Variants in MT1B observed in about 807,000 individuals in gnomAD.
MT1B encodes the protein metallothionein 1B.
MT1B carries 4 observed loss-of-function variants against 7.9 expected under a neutral mutation model. That is an observed-to-expected ratio of 0.51 (90% CI 0.25 to 1.16). The LOEUF is 1.16. MT1B is among the 50% of genes most tolerant of loss of function. The pLI, the probability that MT1B is intolerant of heterozygous loss-of-function variation, is 0.15. For missense variants in MT1B, 76 were observed against 75.2 expected, an observed-to-expected ratio of 1.01 and a Z score of -0.04; for synonymous variants, 22 against 27.6, an observed-to-expected ratio of 0.80 and a Z score of 0.63.
At position 56,653,105 on chromosome 16, in the gene MT1B, C is replaced by A. The variant is rs942574073; in HGVS notation, c.*40C>A. ...TGCTCCCAGACATAAATAGAGCAAC[C>A]AGTACTAACCTGGATTTTTTTTTTT... On this transcript the variant is annotated 3_prime_UTR_variant, in exon 3 of 3. Coordinates refer to ENST00000334346, the MANE Select transcript of MT1B (RefSeq NM_005947.3). 19 of 1,595,296 alleles carry A rather than the reference C, an allele frequency of 1.2e-5. No individual in the cohort carries two copies. The highest frequency in any genetic ancestry group is 1.5e-5 in the Non-Finnish European group (18 of 1,169,942).
chr16:56,652,035 C>T lies in MT1B; in HGVS notation c.28+54C>T. On this transcript the variant is annotated intron_variant, in intron 1 of 2. Transcript: ENST00000334346. ...GATGCCCATTCCCGGCCACTGTACA[C>T]AGTGTCCCTGGGTTAGAGAAGGTTG... 1.0e-5 allele frequency: 16 copies of T among 1,606,298 alleles called. No homozygotes were observed. In the South Asian group the frequency reaches 1.8e-4, roughly 18 times the overall value.
chr16:56,652,301 A>G (rs1467709089), intron 1 of MT1B, among the ~76,000 whole-genome samples: 1 of 152,212 alleles, frequency 6.6e-6, no homozygotes, highest in Admixed American at 6.5e-5. Context: ...GCCTCTTCAG[A>G]GTTCAACACA....
intron 1 of MT1B, 24 bp downstream of exon 1, chr16:56,652,005 C>T: frequency 1.2e-6 from 2 of 1,614,096 alleles, no homozygotes; most frequent in South Asian, 2.2e-5. Flanking sequence ...GGCTCTGGGC[C>T]TTGAGATGCC....
chr16:56,652,826 C>A, intron 2 of MT1B, 148 bp from the exon 3 acceptor site: 1 of 1,163,404 alleles, frequency 8.6e-7, no homozygotes, highest in South Asian at 1.3e-5. Context: ...GGGACACAAA[C>A]CTCAAATGTA....
chr16:56,652,382 TA>T (rs1280429119), intron 1 of MT1B, among the ~76,000 whole-genome samples, 188 bp from the exon 2 acceptor site: 49 of 152,298 alleles, frequency 3.2e-4, no homozygotes, highest in African/African-American at 1.1e-3. Flanking sequence ...ATGGGGTATA[TA>T]AAGAAGGGTG....
intron 2 of MT1B, among the ~76,000 whole-genome samples, 158 bp downstream of exon 2, chr16:56,652,794 G>C (rs551631751): frequency 2.3e-4 from 35 of 152,302 alleles, no homozygotes; most frequent in African/African-American, 6.7e-4. Context: ...GCTCAGATGG[G>C]TCAGGGCAGA....
chr16:56,652,004 C>G, intron 1 of MT1B, 23 bp downstream of exon 1: 1 of 1,614,104 alleles, frequency 6.2e-7, no homozygotes, highest in Non-Finnish European at 8.5e-7. Flanking sequence ...TGGCTCTGGG[C>G]CTTGAGATGC....
Position 56,652,983 on chromosome 16 carries a change from C to G in MT1B, c.104C>G (p.Ser35Cys). The G allele has an allele frequency of 6.2e-7, 1 of 1,613,306 alleles. No homozygotes were observed. Reference protein sequence around the residue: ...KCTSCKKCCCSCCPVGCAKCA... With the variant: ...KCTSCKKCCCCCCPVGCAKCA... ...TCCCCTTCTTCCCCAGGCTGCTGCT[C>G]TTGCTGCCCCGTGGGCTGTGCCAAG... The change falls in exon 3 of 3, where the codon TCT (serine) becomes TGT (cysteine). Residue 35 changes from serine (S) to cysteine (C), a missense_variant. Coordinates refer to ENST00000334346, the MANE Select transcript of MT1B (RefSeq NM_005947.3).
chr16:56,652,285 GA>G (rs1407637413), intron 1 of MT1B, among the ~76,000 whole-genome samples: 2 of 152,212 alleles, frequency 1.3e-5, no homozygotes, highest in Non-Finnish European at 2.9e-5. Context: ...AGAGGTGGGG[GA>G]CATAGCCTCT....
In MT1B at chr16:56,651,922, G is replaced by A. The variant is rs535029608; in HGVS notation, c.-32G>A. On this transcript the variant is annotated 5_prime_UTR_variant, in exon 1 of 3. Coordinates refer to ENST00000334346, the MANE Select transcript of MT1B (RefSeq NM_005947.3). ...CTCCTGCCCTGACTTCTCATATCTT[G>A]CCTAGGAACTCCAGGCTTGTCTTGG... 5.6e-6 allele frequency: 9 copies of A among 1,613,984 alleles called. No homozygotes were observed. In the East Asian group the frequency reaches 1.6e-4, roughly 28 times the overall value.
rs768101310 is a variant in MT1B at position 56,653,091 on chromosome 16, A to G, written c.*26A>G. The G allele has an allele frequency of 4.3e-6, 7 of 1,611,866 alleles. No individual in the cohort carries two copies. The South Asian group carries it at 6.6e-5, about 15-fold the overall frequency. On this transcript the variant is annotated 3_prime_UTR_variant, in exon 3 of 3. Coordinates refer to ENST00000334346, the MANE Select transcript of MT1B (RefSeq NM_005947.3). ...TGTTGGGAGAGCCCTGCTCCCAGACATAAATAGAGCAACCAGTACTAACCT... is the reference window on the plus strand; with the variant it reads ...TGTTGGGAGAGCCCTGCTCCCAGACGTAAATAGAGCAACCAGTACTAACCT...
In MT1B at chr16:56,651,991, G is replaced by A. The variant is rs775734443; in HGVS notation, c.28+10G>A. On this transcript the variant is annotated intron_variant, in intron 1 of 2. Coordinates refer to ENST00000334346, the MANE Select transcript of MT1B (RefSeq NM_005947.3). The stretch of plus-strand genomic sequence containing the variant: ...TGCTCCTGCACCACAGGTAAGGGAC[G>A]CCTGGCTCTGGGCCTTGAGATGCCC... 3.7e-6 allele frequency: 6 copies of A among 1,614,220 alleles called. No homozygotes were observed. Among genetic ancestry groups the A allele is most frequent in the East Asian group, 2.2e-5 (1 of 44,892 alleles).
chr16:56,652,047 G>A, intron 1 of MT1B, 66 bp downstream of exon 1: 1 of 1,589,602 alleles, frequency 6.3e-7, no homozygotes, highest in South Asian at 1.1e-5. Context: ...GTGTCCCTGG[G>A]TTAGAGAAGG....
At chr16:56,652,015 C>G in intron 1 of MT1B, 34 bp downstream of exon 1, 2 of 1,613,348 alleles carry the variant, frequency 1.2e-6, no homozygotes, top group East Asian at 4.5e-5. Context: ...CTTGAGATGC[C>G]CATTCCCGGC....
chr16:56,652,904 G>C (rs1433218890), intron 2 of MT1B, 70 bp from the exon 3 acceptor site: 2 of 1,536,238 alleles, frequency 1.3e-6, no homozygotes, highest in Non-Finnish European at 1.8e-6. Context: ...CTTCAGCCAG[G>C]CTTGCTGTTG....
rs1238340685 is a variant in MT1B at position 56,653,087 on chromosome 16, A to G, written c.*22A>G. The G allele has an allele frequency of 1.9e-6, 3 of 1,612,746 alleles. No homozygotes were observed. Among genetic ancestry groups the G allele is most frequent in the Middle Eastern group, 1.7e-4 (1 of 6,012 alleles). On this transcript the variant is annotated 3_prime_UTR_variant, in exon 3 of 3. Transcript: ENST00000334346. ...CTGATGTTGGGAGAGCCCTGCTCCC[A>G]GACATAAATAGAGCAACCAGTACTA... is the stretch of plus-strand genomic sequence containing the variant.
Position 56,651,980 on chromosome 16 carries a change from A to C in MT1B, c.27A>C (p.Thr9=), listed in dbSNP as rs771036161. Residue 9 remains threonine (T), a splice_region_variant and synonymous_variant, in exon 1 of 3, where the codon ACA becomes ACC. Coordinates refer to ENST00000334346, the MANE Select transcript of MT1B (RefSeq NM_005947.3). The part of the protein sequence containing the change: MDPNCSCT[T]GGSCACAGSC... ...TGGATCCCAACTGCTCCTGCACCAC[A>C]GGTAAGGGACGCCTGGCTCTGGGCC... 1 of 1,614,210 alleles carries C rather than the reference A, an allele frequency of 6.2e-7. No individual in the cohort carries two copies. Among genetic ancestry groups the C allele is most frequent in the Non-Finnish European group, 8.5e-7 (1 of 1,180,016 alleles).
chr16:56,652,539 C>G (rs757326310), intron 1 of MT1B, 32 bp from the exon 2 acceptor site: 1 of 1,607,880 alleles, frequency 6.2e-7, no homozygotes, highest in Non-Finnish European at 8.5e-7. Flanking sequence ...GCATCTTACT[C>G]ACTGCCCACT....
intron 2 of MT1B, 88 bp from the exon 3 acceptor site, chr16:56,652,886 G>A: frequency 7.0e-7 from 1 of 1,432,132 alleles, no homozygotes; most frequent in East Asian, 2.3e-5. Flanking sequence ...CTGGGTGTGG[G>A]GGCTGAACTT....
Sources: gnomAD v4.1 joint callset for allele counts (sites outside exome capture counted in the v4.1 genomes callset) on GRCh38, gnomAD v4.1.1 for gene constraint, MANE v1.5 for transcripts, NCBI Gene and HGNC (gene_info 2026-07-23, HGNC 2026-07-21) for gene names.